Variants in TFDP2 observed in about 807,000 individuals in gnomAD.
The protein encoded by TFDP2 is transcription factor Dp-2.
In TFDP2, 17 loss-of-function variants were observed where a neutral mutation model predicts 59.3. The ratio of observed to expected loss-of-function variants is 0.29; its 90% CI spans 0.20 to 0.43. The LOEUF is 0.43. Among genes scored for constraint, TFDP2 ranks in the 20% least tolerant of loss-of-function variants. TFDP2 has a pLI of 1.00. For missense variants in TFDP2, 391 were observed against 528.8 expected, an observed-to-expected ratio of 0.74 and a Z score of 2.56; for synonymous variants, 180 against 194.7, an observed-to-expected ratio of 0.92 and a Z score of 0.63.
chr3:141,986,126 G>A (rs1003296988), intron 6 of TFDP2, among the ~76,000 whole-genome samples: 1 of 152,146 alleles, frequency 6.6e-6, no homozygotes, highest in African/African-American at 2.4e-5. Context: ...ATAAAAGATG[G>A]CTAGGAATAC....
At chr3:142,030,712 C>G (rs148488708) in intron 3 of TFDP2, among the ~76,000 whole-genome samples, 68 of 151,486 alleles carry the variant, frequency 4.5e-4, no homozygotes, top group African/African-American at 1.6e-3. Flanking sequence ...AATTAAACAT[C>G]CAAGTACTCA....
In TFDP2 at chr3:142,149,403, A is replaced by C; in HGVS notation, c.-313T>G. ...CGCCCTCGAGCCTGCCCAAAGATGA[A>C]GGGTCAGGGCGCGCCCCGCGGGCCG... On this transcript the variant is annotated 5_prime_UTR_variant, in exon 1 of 13. Transcript: ENST00000489671. 1.3e-5 allele frequency: 5 copies of C among 375,572 alleles called. No individual in the cohort carries two copies. Among genetic ancestry groups the C allele is most frequent in the Middle Eastern group, 6.8e-4 (1 of 1,472 alleles). The allele number at this position is 375,572 out of a possible 1,614,324, so 23.3% of individuals were successfully genotyped here.
intron 3 of TFDP2, among the ~76,000 whole-genome samples, chr3:142,062,132 C>T (rs183337245): frequency 6.6e-6 from 1 of 151,934 alleles, no homozygotes; most frequent in Non-Finnish European, 1.5e-5. Flanking sequence ...GAATGGTACA[C>T]ATATTTTCTC....
chr3:142,084,982 G>A (rs906869140), intron 3 of TFDP2, among the ~76,000 whole-genome samples: 2 of 152,020 alleles, frequency 1.3e-5, no homozygotes, highest in African/African-American at 4.8e-5. Flanking sequence ...GTGCAGTGGT[G>A]TGATCTCAGC....
At chr3:142,117,845 C>T (rs1464192367) in intron 1 of TFDP2, among the ~76,000 whole-genome samples, 1 of 152,116 alleles carries the variant, frequency 6.6e-6, no homozygotes, top group Non-Finnish European at 1.5e-5. Context: ...GCCTGTAATC[C>T]CAGCACTTTG....
At chr3:142,078,802 A>G (rs142669305) in intron 3 of TFDP2, among the ~76,000 whole-genome samples, 2 of 152,172 alleles carry the variant, frequency 1.3e-5, no homozygotes, top group Non-Finnish European at 2.9e-5. Flanking sequence ...AAATGAACTA[A>G]GTAAGACACC....
intron 3 of TFDP2, among the ~76,000 whole-genome samples, chr3:142,042,843 A>C (rs1273416058): frequency 1.3e-4 from 16 of 127,882 alleles, no homozygotes; most frequent in East Asian, 4.9e-4. Context: ...GGGTTCAAGC[A>C]ATTCTCCTGC....
At chr3:142,061,765 G>A (rs1396061530) in intron 3 of TFDP2, among the ~76,000 whole-genome samples, 1 of 151,928 alleles carries the variant, frequency 6.6e-6, no homozygotes, top group African/African-American at 2.4e-5. Context: ...TTCAGACTCA[G>A]ACTGAATGAC....
chr3:142,107,835 A>T (rs1486727537), intron 1 of TFDP2, among the ~76,000 whole-genome samples: 28 of 152,168 alleles, frequency 1.8e-4, no homozygotes, highest in Admixed American at 1.8e-3. Context: ...GATATAATAA[A>T]TATATTCTCA....
In TFDP2 at chr3:142,093,139, C is replaced by T. The variant is rs2061052249; in HGVS notation, c.16-12G>A. The T allele has an allele frequency of 6.6e-7, 1 of 1,525,456 alleles. No homozygotes were observed. The highest frequency in any genetic ancestry group is 8.8e-7 in the Non-Finnish European group (1 of 1,142,512). 94.5% of individuals were successfully genotyped at this position (1,525,456 alleles called of 1,614,324 possible). On this transcript the variant is annotated splice_polypyrimidine_tract_variant and intron_variant, in intron 2 of 12. Coordinates refer to ENST00000489671, the MANE Select transcript of TFDP2 (RefSeq NM_001178139.2). ...GAAGTCAAACCAACCTGAATAAAACCGTTTAAAAAGTTAAAAATAGAATAT... is the reference window on the plus strand; with the variant it reads ...GAAGTCAAACCAACCTGAATAAAACTGTTTAAAAAGTTAAAAATAGAATAT...
chr3:142,109,433 ATCC>A (rs1246227106), intron 1 of TFDP2, among the ~76,000 whole-genome samples: 11 of 149,600 alleles, frequency 7.4e-5, no homozygotes, highest in African/African-American at 2.8e-4. Context: ...GGTTCAAGCG[ATCC>A]TCCTGCCTCA....
chr3:142,125,875 T>C (rs2062223608), intron 1 of TFDP2, among the ~76,000 whole-genome samples: 1 of 152,204 alleles, frequency 6.6e-6, no homozygotes, highest in African/African-American at 2.4e-5. Context: ...ACACAAACTA[T>C]CTATGCAACA....
chr3:141,994,979 T>C, intron 5 of TFDP2, 41 bp downstream of exon 5: 1 of 1,480,742 alleles, frequency 6.8e-7, no homozygotes, highest in Non-Finnish European at 9.0e-7. Flanking sequence ...TGTCTAAACT[T>C]TTTTTAAGGT....
chr3:142,108,612 C>T (rs2061554796), intron 1 of TFDP2, among the ~76,000 whole-genome samples: 1 of 152,198 alleles, frequency 6.6e-6, no homozygotes, highest in Admixed American at 6.5e-5. Flanking sequence ...CACAGCTACA[C>T]AGTATTCCTT....
chr3:142,058,104 T>G, intron 3 of TFDP2, among the ~76,000 whole-genome samples: 1 of 152,338 alleles, frequency 6.6e-6, no homozygotes, highest in African/African-American at 2.4e-5. Context: ...TCCACTGATT[T>G]ATACAGCCTG....
intron 3 of TFDP2, among the ~76,000 whole-genome samples, chr3:142,038,873 A>G (rs1201616543): frequency 2.0e-5 from 3 of 152,184 alleles, no homozygotes; most frequent in African/African-American, 7.2e-5. Flanking sequence ...TGCTACTTTC[A>G]ATTTTTCATT....
At chr3:141,984,421 C>T (rs1426478731) in intron 6 of TFDP2, among the ~76,000 whole-genome samples, 1 of 152,066 alleles carries the variant, frequency 6.6e-6, no homozygotes, top group Non-Finnish European at 1.5e-5. Context: ...TGCTTGAACC[C>T]AGGAGGCAGA....
intron 3 of TFDP2, among the ~76,000 whole-genome samples, chr3:142,009,117 C>T (rs975680899): frequency 3.3e-5 from 5 of 152,102 alleles, no homozygotes; most frequent in African/African-American, 1.2e-4. Context: ...AAATGGGCTA[C>T]GTCTCTCAGC....
At chr3:142,075,599 A>T (rs1186896197) in intron 3 of TFDP2, among the ~76,000 whole-genome samples, 1 of 152,074 alleles carries the variant, frequency 6.6e-6, no homozygotes, top group Non-Finnish European at 1.5e-5. Context: ...CTTTTAAAAA[A>T]ATATATTGTA....
Sources: gnomAD v4.1 joint callset for allele counts (sites outside exome capture counted in the v4.1 genomes callset) on GRCh38, gnomAD v4.1.1 for gene constraint, MANE v1.5 for transcripts, NCBI Gene and HGNC (gene_info 2026-07-23, HGNC 2026-07-21) for gene names.